The following VPS8 variants were observed in gnomAD, a reference collection of about 807,000 sequenced individuals.
The protein encoded by VPS8 is vacuolar protein sorting-associated protein 8 homolog.
A neutral mutation model predicts 216.4 loss-of-function variants in VPS8; 129 were observed. That is an observed-to-expected ratio of 0.60 (90% CI 0.52 to 0.69). The LOEUF (loss-of-function observed/expected upper bound fraction) is 0.69, where lower values mean the gene tolerates loss of function less well. Ranked by LOEUF, VPS8 falls within the 30% of genes least tolerant of loss-of-function variation. The probability of loss-of-function intolerance (pLI) is 0.00; values close to 1 mark genes in which losing one functional copy is unlikely to be tolerated. For missense variants in VPS8, 1,531 were observed against 1,683.5 expected (o/e 0.91, Z 1.59); for synonymous variants, 571 against 565.4 (o/e 1.01, Z -0.14).
intron 39 of VPS8, 57 bp from the exon 40 acceptor site, chr3:184,971,592 C>G: frequency 7.3e-7 from 1 of 1,372,624 alleles, no homozygotes; most frequent in Non-Finnish European, 1.0e-6. Flanking sequence ...TTCACAGAGG[C>G]TCTGAGATTA....
intron 46 of VPS8, among the ~76,000 whole-genome samples, chr3:185,046,790 A>G (rs1713019933): frequency 6.6e-6 from 1 of 152,190 alleles, no homozygotes. Context: ...AGAGCCACTC[A>G]CCTAGTCTTG....
At chr3:184,861,370 A>G (rs1272949504) in intron 15 of VPS8, among the ~76,000 whole-genome samples, 2 of 152,208 alleles carry the variant, frequency 1.3e-5, no homozygotes, top group African/African-American at 2.4e-5. Context: ...CCTCAACTTG[A>G]TAACTGTAAT....
At chr3:184,961,653 C>T (rs976950837) in intron 37 of VPS8, among the ~76,000 whole-genome samples, 7 of 148,934 alleles carry the variant, frequency 4.7e-5, no homozygotes, top group South Asian at 2.1e-4. Context: ...CTATAAAATA[C>T]ATGCTAGTTT....
At chr3:184,980,407 CT>C (rs2109734743) in intron 40 of VPS8, among the ~76,000 whole-genome samples, 1 of 151,528 alleles carries the variant, frequency 6.6e-6, no homozygotes, top group East Asian at 2.0e-4. Context: ...TTCCAGGTTG[CT>C]TGTCCTCTCT....
At chr3:184,830,055 A>G (rs1719665291) in intron 3 of VPS8, among the ~76,000 whole-genome samples, 1 of 152,088 alleles carries the variant, frequency 6.6e-6, no homozygotes, top group South Asian at 2.1e-4. Context: ...TGTGTGTCCT[A>G]TTTAAGAAAA....
At chr3:184,943,396 T>G (rs940572590) in intron 36 of VPS8, among the ~76,000 whole-genome samples, 1 of 152,228 alleles carries the variant, frequency 6.6e-6, no homozygotes, top group Non-Finnish European at 1.5e-5. Flanking sequence ...TCATTACATT[T>G]TAGCTGTTTT....
intron 45 of VPS8, among the ~76,000 whole-genome samples, chr3:185,012,822 G>A (rs1755211247): frequency 6.6e-6 from 1 of 152,208 alleles, no homozygotes; most frequent in Non-Finnish European, 1.5e-5. Flanking sequence ...CACACACACA[G>A]AAATATAGCG....
At chr3:184,900,001 T>G (rs1261600844) in intron 24 of VPS8, among the ~76,000 whole-genome samples, 1 of 152,258 alleles carries the variant, frequency 6.6e-6, no homozygotes, top group Non-Finnish European at 1.5e-5. Context: ...AGGTCTGAAT[T>G]AAGAGAAGGT....
chr3:185,012,860 A>C (rs1274884213), intron 45 of VPS8, among the ~76,000 whole-genome samples: 2 of 152,222 alleles, frequency 1.3e-5, no homozygotes, highest in Non-Finnish European at 2.9e-5. Context: ...GGGGTCTCAC[A>C]GCCTTCAGAG....
chr3:184,957,344 G>A (rs751381824), intron 36 of VPS8, 30 bp from the exon 37 acceptor site: 2 of 1,578,376 alleles, frequency 1.3e-6, no homozygotes, highest in South Asian at 1.2e-5. Context: ...TGCTACAATT[G>A]AGTGTTCTCT....
intron 22 of VPS8, among the ~76,000 whole-genome samples, chr3:184,890,353 ATTCATTACTCACTCAATCCTG>A (rs970846914): frequency 2.0e-5 from 3 of 152,102 alleles, no homozygotes; most frequent in Admixed American, 1.3e-4. Flanking sequence ...CCACTTCTAG[ATTCATTACTCACTCAATCCTG>A]TTCCCCAGAT....
At chr3:184,872,518 C>A (rs1270663207) in intron 21 of VPS8, among the ~76,000 whole-genome samples, 3 of 151,964 alleles carry the variant, frequency 2.0e-5, no homozygotes, top group Non-Finnish European at 4.4e-5. Flanking sequence ...TAGTAATGTG[C>A]TCTGTAACCA....
intron 8 of VPS8, among the ~76,000 whole-genome samples, chr3:184,848,183 G>A (rs1723496705): frequency 6.6e-6 from 1 of 152,068 alleles, no homozygotes; most frequent in South Asian, 2.1e-4. Flanking sequence ...AAAGTGCTGG[G>A]ATTACAGGTG....
chr3:184,936,094 T>C (rs1034514934), intron 34 of VPS8, among the ~76,000 whole-genome samples, 152 bp from the exon 35 acceptor site: 2 of 152,182 alleles, frequency 1.3e-5, no homozygotes, highest in African/African-American at 4.8e-5. Flanking sequence ...ATTTGCAAAG[T>C]GCGCTTTAAA....
chr3:185,031,066 T>TTTTTG (rs1758067362), intron 46 of VPS8, among the ~76,000 whole-genome samples: 1 of 131,376 alleles, frequency 7.6e-6, no homozygotes, highest in African/African-American at 3.4e-5. Context: ...GGTTGGCGTT[T>TTTTTG]TTTTTTTTTT....
chr3:184,818,171 T>C (rs562053565), intron 1 of VPS8, among the ~76,000 whole-genome samples: 7 of 152,170 alleles, frequency 4.6e-5, no homozygotes, highest in Non-Finnish European at 8.8e-5. Context: ...TCAGCTCGTG[T>C]GATATCTGGA....
chr3:184,983,328 C>T (rs754477577), intron 42 of VPS8, among the ~76,000 whole-genome samples: 13 of 152,114 alleles, frequency 8.5e-5, no homozygotes, highest in South Asian at 6.2e-4. Flanking sequence ...TTAGGGCGTG[C>T]GGCCTTCAGA....
intron 46 of VPS8, among the ~76,000 whole-genome samples, chr3:185,041,694 T>C (rs1711661533): frequency 6.6e-6 from 1 of 152,248 alleles, no homozygotes; most frequent in Non-Finnish European, 1.5e-5. Context: ...TTCTTAATTG[T>C]GCTGTGCTGA....
At chr3:184,987,912 T>C (rs1241178857) in intron 42 of VPS8, among the ~76,000 whole-genome samples, 3 of 152,228 alleles carry the variant, frequency 2.0e-5, no homozygotes, top group Non-Finnish European at 4.4e-5. Context: ...GTGTTTTGGA[T>C]TTTAGACATT....
Sources: allele counts gnomAD v4.1 joint callset (sites outside exome capture counted in the v4.1 genomes callset), GRCh38; gene constraint gnomAD v4.1.1; transcripts MANE v1.5; gene names NCBI Gene and HGNC (gene_info 2026-07-23, HGNC 2026-07-21).